Variants in TBC1D19 observed in about 807,000 individuals in gnomAD.
TBC1D19 encodes the protein TBC1 domain family member 19, also known as TBC1 domain family, member 19.
TBC1D19 carries 60 observed loss-of-function variants against 89.0 expected under a neutral mutation model. The ratio of observed to expected loss-of-function variants is 0.67; its 90% CI spans 0.55 to 0.84. The LOEUF (loss-of-function observed/expected upper bound fraction) is 0.84. Among genes scored for constraint, TBC1D19 ranks in the 40% least tolerant of loss-of-function variants. The probability of loss-of-function intolerance (pLI) is 0.00; values close to 1 mark genes in which losing one functional copy is unlikely to be tolerated. For synonymous variants in TBC1D19, 189 were observed against 199.7 expected (o/e 0.95, Z 0.45); for missense variants, 500 against 610.8 (o/e 0.82, Z 1.91).
At chr4:26,851,587 C>T in the TBC1D19 span, among the ~76,000 whole-genome samples, 36 of 152,254 alleles carry the variant, frequency 2.4e-4, no homozygotes, top group East Asian at 6.4e-3. Flanking sequence ...ACTGAATTCC[C>T]CTTCATAAAC....
At chr4:26,800,080 T>A in the TBC1D19 span, among the ~76,000 whole-genome samples, 3 of 152,196 alleles carry the variant, frequency 2.0e-5, no homozygotes, top group Non-Finnish European at 4.4e-5. Flanking sequence ...TATGTAAACA[T>A]GTGCCATGTT....
intron 7 of TBC1D19, among the ~76,000 whole-genome samples, chr4:26,650,065 G>C (rs1251315872): frequency 1.3e-5 from 2 of 152,082 alleles, no homozygotes; most frequent in African/African-American, 4.8e-5. Flanking sequence ...TGGCTGCATA[G>C]TATTCCATGG....
chr4:26,667,191 C>A (rs745326747), intron 9 of TBC1D19, among the ~76,000 whole-genome samples: 8 of 151,994 alleles, frequency 5.3e-5, no homozygotes, highest in African/African-American at 1.2e-4. Context: ...AACCTCTCAG[C>A]AACTTTATAT....
intron 7 of TBC1D19, among the ~76,000 whole-genome samples, chr4:26,654,228 G>A (rs1207507412): frequency 2.6e-5 from 4 of 152,140 alleles, no homozygotes; most frequent in Non-Finnish European, 4.4e-5. Flanking sequence ...TTGTAGAGTT[G>A]CTGCTGAGAG....
chr4:26,638,450 C>G (rs1266772050), intron 5 of TBC1D19, among the ~76,000 whole-genome samples: 1 of 152,174 alleles, frequency 6.6e-6, no homozygotes, highest in Non-Finnish European at 1.5e-5. Flanking sequence ...TTTTCTGAGA[C>G]TGCTGGATGG....
chr4:26,831,678 G>A, the TBC1D19 span, among the ~76,000 whole-genome samples: 1 of 150,450 alleles, frequency 6.6e-6, no homozygotes, highest in South Asian at 2.1e-4. Context: ...GGCCTCCTGA[G>A]TTCAAGCGAT....
intron 19 of TBC1D19, among the ~76,000 whole-genome samples, chr4:26,750,406 A>G (rs1454302418): frequency 1.3e-5 from 2 of 152,220 alleles, no homozygotes; most frequent in Non-Finnish European, 2.9e-5. Flanking sequence ...AGGACTTTCA[A>G]AAAGTAGAAT....
chr4:26,712,142 G>T (rs916691107), intron 13 of TBC1D19, among the ~76,000 whole-genome samples: 1 of 152,032 alleles, frequency 6.6e-6, no homozygotes, highest in Non-Finnish European at 1.5e-5. Flanking sequence ...GTAGAAAGTT[G>T]TTTGTAAGTA....
intron 13 of TBC1D19, among the ~76,000 whole-genome samples, chr4:26,699,729 T>C (rs1268411197): frequency 6.6e-6 from 1 of 152,108 alleles, no homozygotes; most frequent in East Asian, 1.9e-4. Context: ...TGAATGAAGC[T>C]GGAAACCATC....
intron 7 of TBC1D19, among the ~76,000 whole-genome samples, chr4:26,650,675 C>G (rs1235396728): frequency 6.6e-6 from 1 of 152,170 alleles, no homozygotes; most frequent in Non-Finnish European, 1.5e-5. Flanking sequence ...CCTGTTCACT[C>G]TGATGGTAGT....
chr4:26,684,223 C>G (rs1175743356), intron 12 of TBC1D19, among the ~76,000 whole-genome samples: 1 of 152,128 alleles, frequency 6.6e-6, no homozygotes, highest in East Asian at 1.9e-4. Flanking sequence ...GTTTTTGCCT[C>G]CAAGCATCTG....
At chr4:26,713,802 G>A (rs939325977) in intron 13 of TBC1D19, among the ~76,000 whole-genome samples, 1 of 151,886 alleles carries the variant, frequency 6.6e-6, no homozygotes, top group African/African-American at 2.4e-5. Context: ...AGAACACAAG[G>A]GATATAAATA....
chr4:26,679,937 A>G (rs915232643), intron 11 of TBC1D19, among the ~76,000 whole-genome samples: 1 of 152,238 alleles, frequency 6.6e-6, no homozygotes, highest in African/African-American at 2.4e-5. Context: ...ATCTTGAATT[A>G]TAGTTCTCAT....
At chr4:26,725,347 G>A (rs368473663) in intron 15 of TBC1D19, among the ~76,000 whole-genome samples, 130 of 152,274 alleles carry the variant, frequency 8.5e-4, no homozygotes, top group African/African-American at 2.3e-3. Context: ...GAGTTTGGGA[G>A]TTTCCTACTC....
At chr4:26,705,317 A>G (rs1370060028) in intron 13 of TBC1D19, among the ~76,000 whole-genome samples, 1 of 152,074 alleles carries the variant, frequency 6.6e-6, no homozygotes, top group Non-Finnish European at 1.5e-5. Context: ...TTTTGTTGTT[A>G]TCATCTGTGC....
intron 7 of TBC1D19, among the ~76,000 whole-genome samples, chr4:26,641,568 G>A (rs1260403483): frequency 1.3e-5 from 2 of 152,210 alleles, no homozygotes; most frequent in Non-Finnish European, 2.9e-5. Flanking sequence ...AAGCAGGACG[G>A]AGAATGACTT....
At chr4:26,598,986 A>G (rs867354500) in intron 1 of TBC1D19, among the ~76,000 whole-genome samples, 2 of 152,078 alleles carry the variant, frequency 1.3e-5, no homozygotes, top group South Asian at 4.1e-4. Flanking sequence ...AGGATAAAGC[A>G]GGAGTCTGGC....
chr4:26,583,261 G>A (rs1192933468), upstream of TBC1D19, among the ~76,000 whole-genome samples: 1 of 152,142 alleles, frequency 6.6e-6, no homozygotes, highest in Admixed American at 6.5e-5. Context: ...ATTTAAGTCA[G>A]TTACTTTTAG....
intron 18 of TBC1D19, among the ~76,000 whole-genome samples, chr4:26,743,544 TTGAC>T (rs775381423): frequency 5.3e-5 from 8 of 152,156 alleles, no homozygotes; most frequent in Admixed American, 1.3e-4. Context: ...TGTTTCAAGA[TTGAC>T]TGATTATAAA....
Sources: gnomAD v4.1 joint callset for allele counts (sites outside exome capture counted in the v4.1 genomes callset) on GRCh38, gnomAD v4.1.1 for gene constraint, MANE v1.5 for transcripts, NCBI Gene and HGNC (gene_info 2026-07-23, HGNC 2026-07-21) for gene names.